The following DMD variants were observed in gnomAD, a reference collection of about 807,000 sequenced individuals.
DMD encodes the protein dystrophin.
A neutral mutation model predicts 330.1 loss-of-function variants in DMD; 63 were observed. That is an observed-to-expected ratio of 0.19 (90% CI 0.16 to 0.24). The LOEUF (loss-of-function observed/expected upper bound fraction) is 0.24. DMD is among the 10% of genes least tolerant of loss of function. The pLI is 1.00. For synonymous variants in DMD, 1,223 were observed against 959.8 expected, an observed-to-expected ratio of 1.27 and a Z score of -5.07; for missense variants, 3,344 against 2,684.1, an observed-to-expected ratio of 1.25 and a Z score of -5.43.
intron 63 of DMD, among the ~76,000 whole-genome samples, chrX:31,223,429 T>G (rs2046291937): frequency 1.8e-5 from 2 of 112,459 alleles, no homozygotes; most frequent in Admixed American, 1.9e-4. Context: ...TATTTTTTTC[T>G]AGAAAGTAAT....
chrX:32,261,083 G>T (rs183983911), intron 43 of DMD, among the ~76,000 whole-genome samples: 111 of 111,943 alleles, frequency 9.9e-4, no homozygotes, highest in Non-Finnish European at 5.3e-4. Flanking sequence ...AACTGATGGT[G>T]TTGATCAGTC....
intron 43 of DMD, among the ~76,000 whole-genome samples, chrX:32,258,590 AC>A (rs2097308850): frequency 9.1e-6 from 1 of 109,434 alleles, no homozygotes; most frequent in South Asian, 4.0e-4. Flanking sequence ...ACATATTCTC[AC>A]CCATAAGTGG....
chrX:33,334,177 T>C (rs1295321068), intron 1 of DMD, among the ~76,000 whole-genome samples: 1 of 111,782 alleles, frequency 8.9e-6, no homozygotes, highest in Admixed American at 9.6e-5. Flanking sequence ...ACTTCAATTT[T>C]TTATGGAAAC....
At chrX:31,737,612 A>G (rs1035453162) in intron 51 of DMD, among the ~76,000 whole-genome samples, 2 of 112,420 alleles carry the variant, frequency 1.8e-5, no homozygotes, top group African/African-American at 6.5e-5. Context: ...GACCAAGCCA[A>G]TAGACAAGCA....
intron 1 of DMD, among the ~76,000 whole-genome samples, chrX:33,323,088 T>G (rs187137022): frequency 8.9e-6 from 1 of 111,929 alleles, no homozygotes; most frequent in Non-Finnish European, 1.9e-5. Context: ...TGAATTAGAC[T>G]TCTTCTTTTT....
At chrX:33,317,006 T>C (rs1413032695) in intron 1 of DMD, among the ~76,000 whole-genome samples, 1 of 111,331 alleles carries the variant, frequency 9.0e-6, no homozygotes, top group Non-Finnish European at 1.9e-5. Context: ...TTTCTTTTTG[T>C]GTTTTTAATT....
intron 45 of DMD, among the ~76,000 whole-genome samples, chrX:31,939,786 A>C (rs1451122365): frequency 8.9e-6 from 1 of 111,974 alleles, no homozygotes; most frequent in African/African-American, 3.2e-5. Flanking sequence ...AAGTATTTAT[A>C]AAACATTATG....
intron 55 of DMD, among the ~76,000 whole-genome samples, chrX:31,601,971 CA>C (rs1468582911): frequency 1.8e-5 from 2 of 111,328 alleles, no homozygotes; most frequent in Non-Finnish European, 3.8e-5. Flanking sequence ...TGGACCCAAA[CA>C]GACTTATTTT....
At chrX:33,315,237 CT>C (rs2053916448) in intron 1 of DMD, among the ~76,000 whole-genome samples, 1 of 112,361 alleles carries the variant, frequency 8.9e-6, no homozygotes, top group Non-Finnish European at 1.9e-5. Context: ...TAAACTTTGC[CT>C]TTTTATGGTA....
chrX:32,638,399 ACT>A (rs1226539360), intron 11 of DMD, among the ~76,000 whole-genome samples: 1 of 112,029 alleles, frequency 8.9e-6, no homozygotes, highest in East Asian at 2.8e-4. Flanking sequence ...TGAGATTTCT[ACT>A]CTGTCTTAAT....
At chrX:32,980,368 C>CAAAAAA (rs755016078) in intron 2 of DMD, among the ~76,000 whole-genome samples, 2 of 42,636 alleles carry the variant, frequency 4.7e-5, no homozygotes, top group African/African-American at 1.8e-4. Flanking sequence ...GACTCTGTCT[C>CAAAAAA]AAAAAAAAAA....
At chrX:31,713,873 A>C (rs2084827842) in intron 52 of DMD, among the ~76,000 whole-genome samples, 1 of 111,719 alleles carries the variant, frequency 9.0e-6, no homozygotes. Flanking sequence ...TTAAACTTAT[A>C]TTTTTCCTTC....
intron 7 of DMD, among the ~76,000 whole-genome samples, chrX:32,768,857 T>G (rs755491046): frequency 1.8e-5 from 2 of 111,695 alleles, no homozygotes; most frequent in African/African-American, 6.5e-5. Flanking sequence ...GATTTTTCAC[T>G]TAGAAGCAGC....
intron 7 of DMD, among the ~76,000 whole-genome samples, chrX:32,719,284 G>A (rs993177315): frequency 7.1e-5 from 8 of 111,913 alleles, no homozygotes; most frequent in Non-Finnish European, 1.1e-4. Flanking sequence ...TATTACAAAG[G>A]TTCAGATAAT....
At position 32,485,041 on chromosome X, in the gene DMD, C is replaced by T. The variant is rs2148583949; in HGVS notation, c.2681G>A (p.Ser894Asn). ...TTGTCCTTTCTCTTTCAGGGCTATG[C>T]TTTGAATTTTTAATCGTTCAATTTG... ...QPQIERLKIQ[S>N]IALKEKGQGP... Residue 894 changes from serine to asparagine, a missense_variant, in exon 21 of 79, where the codon AGC (serine) becomes AAC (asparagine). Ser to Asn is a conservative substitution (Grantham distance 46). Coordinates refer to ENST00000357033, the MANE Select transcript of DMD (RefSeq NM_004006.3). The T allele has an allele frequency of 8.3e-7, 1 of 1,211,397 alleles. No homozygotes were observed. The highest frequency in any genetic ancestry group is 1.1e-6 in the Non-Finnish European group (1 of 895,229).
At chrX:32,309,152 T>G (rs1258896148) in intron 42 of DMD, among the ~76,000 whole-genome samples, 1 of 111,534 alleles carries the variant, frequency 9.0e-6, no homozygotes, top group Non-Finnish European at 1.9e-5. Context: ...TCACTGAAGA[T>G]ACTGCAACAC....
chrX:31,508,467 G>A (rs1175059673), intron 55 of DMD: 1 of 290,326 alleles, frequency 3.4e-6, no homozygotes, highest in South Asian at 9.6e-5. Flanking sequence ...AAAGAGAGGA[G>A]GCCTGGAATA....
At chrX:31,602,936 A>G (rs1227435579) in intron 55 of DMD, among the ~76,000 whole-genome samples, 1 of 112,026 alleles carries the variant, frequency 8.9e-6, no homozygotes, top group African/African-American at 3.2e-5. Flanking sequence ...CGCTCCAGCC[A>G]TGGCCTCACA....
At chrX:32,943,707 A>G (rs1393636223) in intron 2 of DMD, among the ~76,000 whole-genome samples, 4 of 112,040 alleles carry the variant, frequency 3.6e-5, no homozygotes, top group African/African-American at 1.3e-4. Flanking sequence ...GTCAAGTGTA[A>G]GCACGCTTTC....
Sources: gnomAD v4.1 joint callset for allele counts (sites outside exome capture counted in the v4.1 genomes callset) on GRCh38, gnomAD v4.1.1 for gene constraint, MANE v1.5 for transcripts, NCBI Gene and HGNC (gene_info 2026-07-23, HGNC 2026-07-21) for gene names.